The following SGCD variants were observed in gnomAD, a reference collection of about 807,000 sequenced individuals.
SGCD encodes the protein sarcoglycan delta.
Under a neutral mutation model 36.6 loss-of-function variants are expected in SGCD, and 18 were observed. That is an observed-to-expected ratio of 0.49 (90% confidence interval 0.34 to 0.73). The LOEUF is 0.73. SGCD is among the 30% of genes least tolerant of loss of function. SGCD has a pLI of 0.01. For synonymous variants in SGCD, 133 were observed against 130.6 expected (o/e 1.02, Z -0.12); for missense variants, 387 against 346.7 (o/e 1.12, Z -0.92).
intron 7 of SGCD, among the ~76,000 whole-genome samples, chr5:156,667,614 A>G (rs1207200389): frequency 6.6e-6 from 1 of 152,216 alleles, no homozygotes; most frequent in African/African-American, 2.4e-5. Context: ...TGTGAACAGC[A>G]TCCATGTTGG....
chr5:156,647,612 G>A, intron 7 of SGCD, 76 bp downstream of exon 7: 1 of 944,052 alleles, frequency 1.1e-6, no homozygotes, highest in Non-Finnish European at 1.7e-6. Flanking sequence ...GATTCATTCT[G>A]AATAAATAAT....
intron 3 of SGCD, among the ~76,000 whole-genome samples, chr5:156,479,005 G>A (rs1193699787): frequency 6.6e-6 from 1 of 152,114 alleles, no homozygotes; most frequent in Non-Finnish European, 1.5e-5. Flanking sequence ...ATTTGATCTT[G>A]TCAGTGTTGG....
the SGCD span, among the ~76,000 whole-genome samples, chr5:155,815,806 C>T: frequency 6.6e-6 from 1 of 152,034 alleles, no homozygotes; most frequent in African/African-American, 2.4e-5. Flanking sequence ...CCTCTTCCAA[C>T]ACTGGGGATT....
intron 1 of SGCD, among the ~76,000 whole-genome samples, chr5:155,927,061 A>G (rs1000402016): frequency 1.3e-5 from 2 of 152,194 alleles, no homozygotes; most frequent in Admixed American, 6.5e-5. Context: ...CCAGTCCACA[A>G]TGAAAATATT....
intron 7 of SGCD, among the ~76,000 whole-genome samples, chr5:156,708,806 A>G (rs1487967639): frequency 2.0e-5 from 3 of 152,206 alleles, no homozygotes. Context: ...AGTCAGATCC[A>G]GAGGTTTATA....
intron 7 of SGCD, among the ~76,000 whole-genome samples, chr5:156,695,604 A>T (rs1480485444): frequency 2.6e-5 from 4 of 152,168 alleles, no homozygotes; most frequent in Middle Eastern, 3.2e-3. Context: ...AAGAACACTG[A>T]TTATTAAAGC....
intron 1 of SGCD, among the ~76,000 whole-genome samples, chr5:155,996,441 T>C (rs759688697): frequency 1.3e-5 from 2 of 152,148 alleles, no homozygotes; most frequent in Non-Finnish European, 1.5e-5. Flanking sequence ...TGCTTCTTAA[T>C]ACTTAATAGG....
At chr5:156,519,028 A>G (rs1015269837) in intron 4 of SGCD, among the ~76,000 whole-genome samples, 5 of 151,962 alleles carry the variant, frequency 3.3e-5, no homozygotes, top group African/African-American at 1.2e-4. Context: ...TTGGAGACAC[A>G]AAAAAAATTC....
At chr5:156,059,587 G>T (rs1760152280) in intron 1 of SGCD, among the ~76,000 whole-genome samples, 1 of 145,214 alleles carries the variant, frequency 6.9e-6, no homozygotes, top group African/African-American at 2.5e-5. Context: ...TGTTTTTAAG[G>T]CCCGCTGGCT....
At chr5:155,897,723 C>T (rs926003876) in intron 1 of SGCD, among the ~76,000 whole-genome samples, 2 of 151,702 alleles carry the variant, frequency 1.3e-5, no homozygotes, top group African/African-American at 4.8e-5. Context: ...ACAACACACA[C>T]GTTAGTATTG....
Position 155,890,423 on chromosome 5 carries a change from G to A in SGCD, c.-282+19999G>A, listed in dbSNP as rs187025064. Reference sequence around the variant, plus strand: ...CAGGATCACTTAATTTCAGGAGTTCGAGACCAGCCTGGGCACCATGGTGGA... The same window carrying A: ...CAGGATCACTTAATTTCAGGAGTTCAAGACCAGCCTGGGCACCATGGTGGA... On this transcript the variant is annotated intron_variant, in intron 1 of 9. Transcript: ENST00000517913. Among the ~76,000 whole-genome samples, 129 of 152,070 alleles carry A rather than the reference G, an allele frequency of 8.5e-4. 3 individuals are homozygous for A. The East Asian group carries it at 0.022, about 26-fold the overall frequency.
intron 4 of SGCD, among the ~76,000 whole-genome samples, chr5:156,588,578 A>C (rs983625659): frequency 1.3e-5 from 2 of 152,126 alleles, no homozygotes; most frequent in African/African-American, 4.8e-5. Flanking sequence ...CTGTGTGAAA[A>C]AGTTGGGGAG....
intron 3 of SGCD, among the ~76,000 whole-genome samples, chr5:156,239,614 T>C (rs2127655448): frequency 6.6e-6 from 1 of 152,336 alleles, no homozygotes; most frequent in Non-Finnish European, 1.5e-5. Flanking sequence ...TCATACTTAA[T>C]ATGTTAGAAA....
intron 1 of SGCD, among the ~76,000 whole-genome samples, chr5:155,894,155 G>T (rs1420058226): frequency 4.6e-5 from 7 of 152,022 alleles, no homozygotes; most frequent in Admixed American, 4.6e-4. Flanking sequence ...GGCCACTTAG[G>T]CCACACTAAG....
chr5:156,558,124 T>TATATATA (rs56288003), intron 4 of SGCD, among the ~76,000 whole-genome samples: 115 of 123,350 alleles, frequency 9.3e-4, no homozygotes, highest in African/African-American at 1.4e-3. Flanking sequence ...TATATATATA[T>TATATATA]TATTTAACTC....
intron 3 of SGCD, among the ~76,000 whole-genome samples, chr5:156,168,362 C>T (rs1395464363): frequency 7.3e-6 from 1 of 136,860 alleles, no homozygotes; most frequent in Middle Eastern, 3.6e-3. Context: ...AGTGAGACTC[C>T]TATCTCTACA....
At chr5:156,006,435 T>C (rs2127569447) in intron 1 of SGCD, among the ~76,000 whole-genome samples, 1 of 152,326 alleles carries the variant, frequency 6.6e-6, no homozygotes, top group Non-Finnish European at 1.5e-5. Flanking sequence ...TCCCAAGCAC[T>C]TGTAAGCTTG....
chr5:155,842,940 CT>C, the SGCD span, among the ~76,000 whole-genome samples: 1 of 152,118 alleles, frequency 6.6e-6, no homozygotes, highest in African/African-American at 2.4e-5. Context: ...TTTTTCGATT[CT>C]TTTCTGCAGC....
At chr5:156,241,291 T>C (rs754078287) in intron 3 of SGCD, among the ~76,000 whole-genome samples, 5 of 151,212 alleles carry the variant, frequency 3.3e-5, no homozygotes, top group East Asian at 1.9e-4. Flanking sequence ...TGTGTGTGCA[T>C]GTATGTGCAT....
Sources: gnomAD v4.1 joint callset for allele counts (sites outside exome capture counted in the v4.1 genomes callset) on GRCh38, gnomAD v4.1.1 for gene constraint, MANE v1.5 for transcripts, NCBI Gene and HGNC (gene_info 2026-07-23, HGNC 2026-07-21) for gene names.